The following AKAP13 variants were observed in gnomAD, a reference collection of about 807,000 sequenced individuals.
The protein encoded by AKAP13 is A-kinase anchor protein 13.
A neutral mutation model predicts 264.5 loss-of-function variants in AKAP13; 80 were observed. That is an observed-to-expected ratio of 0.30 (90% CI 0.25 to 0.36). The LOEUF is 0.36. Among genes scored for constraint, AKAP13 ranks in the 10% least tolerant of loss-of-function variants. AKAP13 has a pLI of 1.00. For missense variants in AKAP13, 3,712 were observed against 3,435.2 expected (o/e 1.08, Z -2.01); for synonymous variants, 1,380 against 1,250.2 (o/e 1.10, Z -2.19).
At chr15:85,426,802 A>G (rs1233547627) in intron 1 of AKAP13, among the ~76,000 whole-genome samples, 1 of 152,142 alleles carries the variant, frequency 6.6e-6, no homozygotes, top group African/African-American at 2.4e-5. Flanking sequence ...GTATTTTCTG[A>G]TGATATCCTT....
At chr15:85,469,311 TA>T (rs2074871438) in intron 1 of AKAP13, among the ~76,000 whole-genome samples, 5 of 152,030 alleles carry the variant, frequency 3.3e-5, no homozygotes, top group African/African-American at 9.7e-5. Flanking sequence ...AGGAACTGCA[TA>T]TAATAGTGCC....
intron 19 of AKAP13, among the ~76,000 whole-genome samples, chr15:85,710,977 T>C (rs1308729180): frequency 1.3e-5 from 2 of 151,998 alleles, no homozygotes; most frequent in Non-Finnish European, 1.5e-5. Context: ...TGCCTTACAA[T>C]CATACAAATC....
chr15:85,578,120 A>G (rs2079074833), intron 6 of AKAP13, among the ~76,000 whole-genome samples: 1 of 152,164 alleles, frequency 6.6e-6, no homozygotes, highest in African/African-American at 2.4e-5. Flanking sequence ...CCGTCTCTAC[A>G]AAAAATAAAA....
Position 85,655,397 on chromosome 15 carries a change from G to A in AKAP13, c.4375-20G>A, listed in dbSNP as rs986381871. 6.2e-7 allele frequency: 1 copy of A among 1,605,070 alleles called. No homozygotes were observed. The highest frequency in any genetic ancestry group is 1.3e-5 in the African/African-American group (1 of 74,932). On this transcript the variant is annotated intron_variant, in intron 10 of 36. Coordinates refer to ENST00000394518, the MANE Select transcript of AKAP13 (RefSeq NM_007200.5). Reference sequence around the variant, plus strand: ...TTGGCCCTGCTGGCTTCAACCATATGTGCTTTCTCTCCATTACAGCCAGAG... The same window carrying A: ...TTGGCCCTGCTGGCTTCAACCATATATGCTTTCTCTCCATTACAGCCAGAG...
intron 5 of AKAP13, among the ~76,000 whole-genome samples, chr15:85,567,055 T>A (rs1329881958): frequency 6.6e-6 from 1 of 152,186 alleles, no homozygotes; most frequent in Non-Finnish European, 1.5e-5. Context: ...TGAATACTGA[T>A]CCTACCAAAA....
At chr15:85,442,266 T>G (rs1234372239) in intron 1 of AKAP13, among the ~76,000 whole-genome samples, 2 of 149,656 alleles carry the variant, frequency 1.3e-5, no homozygotes, top group East Asian at 3.9e-4. Context: ...AAAAATTAGC[T>G]GGGCATGGTG....
At chr15:85,427,609 AG>A in intron 1 of AKAP13, among the ~76,000 whole-genome samples, 1 of 152,340 alleles carries the variant, frequency 6.6e-6, no homozygotes, top group East Asian at 1.9e-4. Flanking sequence ...AACCGTTGAA[AG>A]TATCTTGTCA....
chr15:85,402,489 G>A (rs1221895250), intron 1 of AKAP13, among the ~76,000 whole-genome samples: 2 of 152,178 alleles, frequency 1.3e-5, no homozygotes, highest in East Asian at 1.9e-4. Flanking sequence ...TACAATGGGG[G>A]ATCGTGGTAT....
At chr15:85,386,857 C>T (rs771443508) in intron 1 of AKAP13, among the ~76,000 whole-genome samples, 1 of 151,898 alleles carries the variant, frequency 6.6e-6, no homozygotes, top group Non-Finnish European at 1.5e-5. Flanking sequence ...TTCTCTATCA[C>T]CTCACTGTTG....
At chr15:85,540,554 A>C (rs2077550895) in intron 4 of AKAP13, among the ~76,000 whole-genome samples, 2 of 152,210 alleles carry the variant, frequency 1.3e-5, no homozygotes, top group African/African-American at 4.8e-5. Context: ...ATCTAAAAAA[A>C]TGAAGTTGAG....
chr15:85,435,887 A>G (rs2073263509), intron 1 of AKAP13, among the ~76,000 whole-genome samples: 1 of 144,756 alleles, frequency 6.9e-6, no homozygotes, highest in East Asian at 2.1e-4. Flanking sequence ...GACCATCGAG[A>G]CTAGGAAGAA....
In AKAP13 at chr15:85,723,144, G is replaced by C. The variant is rs562799900; in HGVS notation, c.6569G>C (p.Ser2190Thr). 6.2e-7 allele frequency: 1 copy of C among 1,614,152 alleles called. No homozygotes were observed. The highest frequency in any genetic ancestry group is 8.5e-7 in the Non-Finnish European group (1 of 1,180,000). The change falls in exon 26 of 37, where the codon AGC (serine) becomes ACC (threonine). Residue 2190 changes from serine to threonine, a missense_variant. Physicochemically the swap from Ser to Thr is moderately conservative, Grantham distance 58. This residue lies in a region of AKAP13 where 342 missense variants were observed against 484.3 expected (regional missense o/e 0.71). Transcript: ENST00000394518. ...LVKDVIGAVD[S>T]KVASYEKKVR... ...AAGGATGTGATTGGAGCTGTAGACA[G>C]CAAAGTGGCAAGTTATGAAAAGAAA...
intron 36 of AKAP13, 154 bp from the exon 37 acceptor site, chr15:85,744,474 A>T: frequency 1.3e-6 from 1 of 776,504 alleles, no homozygotes; most frequent in Non-Finnish European, 2.2e-6. Context: ...CTTATTAACC[A>T]AATTTGTTCA....
At chr15:85,584,055 T>C (rs1308365853) in intron 7 of AKAP13, among the ~76,000 whole-genome samples, 1 of 152,086 alleles carries the variant, frequency 6.6e-6, no homozygotes, top group Non-Finnish European at 1.5e-5. Flanking sequence ...ATTGGGAAAA[T>C]CCCTGGTCAC....
At position 85,747,062 on chromosome 15, in the gene AKAP13, A is replaced by G. The variant is rs1412734243; in HGVS notation, c.*2385A>G. 6.6e-6 allele frequency: 1 copy of G among 152,122 alleles called. No individual in the cohort carries two copies. The highest frequency in any genetic ancestry group is 1.5e-5 in the Non-Finnish European group (1 of 68,034). The allele number at this position is 152,122 out of a possible 1,614,324, so 9.4% of individuals were successfully genotyped here. ...TCTTTTTTAAAAATAGAGATTTCAC[A>G]TCTGCCCAGACCCCACTCAAAACGA... On this transcript the variant is annotated 3_prime_UTR_variant, in exon 37 of 37. Transcript: ENST00000394518.
At chr15:85,553,044 G>C (rs1596505791) in intron 5 of AKAP13, among the ~76,000 whole-genome samples, 1 of 146,974 alleles carries the variant, frequency 6.8e-6, no homozygotes, top group South Asian at 2.2e-4. Flanking sequence ...TTAATAAAAA[G>C]TTAAATCTAG....
At chr15:85,598,923 C>T (rs2079936269) in intron 8 of AKAP13, among the ~76,000 whole-genome samples, 1 of 152,220 alleles carries the variant, frequency 6.6e-6, no homozygotes, top group African/African-American at 2.4e-5. Context: ...ACTTTTCATT[C>T]CAGTTCCAGA....
At chr15:85,427,435 T>C (rs897569563) in intron 1 of AKAP13, among the ~76,000 whole-genome samples, 31 of 152,244 alleles carry the variant, frequency 2.0e-4, no homozygotes, top group Middle Eastern at 3.4e-3. Context: ...TCCTAAACGC[T>C]TGATAGAGCA....
At chr15:85,538,353 G>T (rs1389193547) in intron 4 of AKAP13, among the ~76,000 whole-genome samples, 6 of 152,126 alleles carry the variant, frequency 3.9e-5, no homozygotes, top group African/African-American at 4.8e-5. Flanking sequence ...TGGAAGACAG[G>T]TTTAGGAAAA....
Sources: gnomAD v4.1 joint callset for allele counts (sites outside exome capture counted in the v4.1 genomes callset) on GRCh38, gnomAD v4.1.1 for gene constraint, gnomAD v4.1.1 regional missense constraint, MANE v1.5 for transcripts, NCBI Gene and HGNC (gene_info 2026-07-23, HGNC 2026-07-21) for gene names.